Variants in CDH13 observed in about 807,000 individuals in gnomAD.
CDH13 encodes cadherin-13.
In CDH13, 24 loss-of-function variants were observed where a neutral mutation model predicts 63.8. The observed-to-expected ratio is 0.38, with a 90% CI of 0.27 to 0.53. CDH13 has a LOEUF of 0.53. Ranked by LOEUF, CDH13 falls within the 20% of genes least tolerant of loss-of-function variation. The probability of loss-of-function intolerance (pLI) is 0.85; values close to 1 mark genes in which losing one functional copy is unlikely to be tolerated. For synonymous variants in CDH13, 503 were observed against 355.3 expected (o/e 1.42, Z -4.67); for missense variants, 1,049 against 903.1 (o/e 1.16, Z -2.07).
intron 2 of CDH13, chr16:82,925,922 A>G (rs569352977): frequency 7.9e-5 from 12 of 152,278 alleles, no homozygotes; most frequent in African/African-American, 2.6e-4. Context: ...TTAGGTAATA[A>G]TGAGTTTTCC....
chr16:82,653,079 A>G (rs1259535848), intron 1 of CDH13, among the ~76,000 whole-genome samples: 2 of 152,208 alleles, frequency 1.3e-5, no homozygotes, highest in African/African-American at 4.8e-5. Flanking sequence ...TTGTCCATTC[A>G]GTGTGAATGA....
In CDH13 at chr16:82,684,729, A is replaced by AG. The variant is rs200606711; in HGVS notation, c.45+57594dup. ...AATGATTGAGTGCTTTGGCATAAAC[A>AG]GGTCAGGTACAGAAAGCACGGCATT... On this transcript the variant is annotated intron_variant, in intron 1 of 13. Transcript: ENST00000567109. Among the ~76,000 whole-genome samples, 863 of 152,272 alleles carry AG rather than the reference A, an allele frequency of 5.7e-3. 6 individuals carry two copies. Among genetic ancestry groups the AG allele is most frequent in the African/African-American group, 0.02 (815 of 41,546 alleles).
chr16:83,106,075 A>C (rs769675560), intron 3 of CDH13, among the ~76,000 whole-genome samples: 1 of 152,230 alleles, frequency 6.6e-6, no homozygotes, highest in African/African-American at 2.4e-5. Context: ...ATTTGTCAAT[A>C]TGTTACAGGA....
At chr16:82,758,002 C>G (rs1384423128) in intron 1 of CDH13, among the ~76,000 whole-genome samples, 2 of 152,172 alleles carry the variant, frequency 1.3e-5, no homozygotes, top group South Asian at 2.1e-4. Context: ...AGAAATCTCT[C>G]TGGCAAGTGT....
At chr16:82,655,556 C>T (rs1014216491) in intron 1 of CDH13, among the ~76,000 whole-genome samples, 4 of 151,666 alleles carry the variant, frequency 2.6e-5, no homozygotes, top group South Asian at 2.1e-4. Context: ...GGAGGGTGTG[C>T]GTGTGATGCT....
chr16:83,003,646 G>A (rs542997569), intron 2 of CDH13, among the ~76,000 whole-genome samples: 1 of 152,174 alleles, frequency 6.6e-6, no homozygotes, highest in Non-Finnish European at 1.5e-5. Context: ...GTTACAGAAA[G>A]CAGTAATGGA....
chr16:82,879,431 A>G (rs12446672), intron 2 of CDH13, among the ~76,000 whole-genome samples: 38,353 of 146,878 alleles, frequency 0.26, 6,563 homozygotes, highest in East Asian at 0.85. Context: ...CTGTTTATAT[A>G]TATATTTTCC....
intron 3 of CDH13, among the ~76,000 whole-genome samples, chr16:83,057,051 C>A (rs2031018823): frequency 6.6e-6 from 1 of 152,206 alleles, no homozygotes; most frequent in Non-Finnish European, 1.5e-5. Context: ...ACTGCAACCT[C>A]TGACTCCCTG....
chr16:83,126,713 G>A (rs1776113123), intron 4 of CDH13, among the ~76,000 whole-genome samples: 2 of 152,190 alleles, frequency 1.3e-5, no homozygotes, highest in Admixed American at 1.3e-4. Context: ...ACATTGGTGA[G>A]CCTGGAATTC....
chr16:83,266,973 A>T (rs566616116), intron 5 of CDH13, among the ~76,000 whole-genome samples: 1 of 152,260 alleles, frequency 6.6e-6, no homozygotes, highest in Non-Finnish European at 1.5e-5. Flanking sequence ...ATTGCAAATG[A>T]CAGGAGTTAT....
At chr16:82,786,883 T>C (rs1239308816) in intron 1 of CDH13, among the ~76,000 whole-genome samples, 1 of 152,112 alleles carries the variant, frequency 6.6e-6, no homozygotes, top group Non-Finnish European at 1.5e-5. Flanking sequence ...ATGTGCCACA[T>C]AGAAAACAGT....
intron 3 of CDH13, among the ~76,000 whole-genome samples, chr16:83,070,476 T>C (rs2032348927): frequency 6.6e-6 from 1 of 152,240 alleles, no homozygotes; most frequent in African/African-American, 2.4e-5. Context: ...ATGAGTGTTT[T>C]ACTGTTGATG....
intron 5 of CDH13, among the ~76,000 whole-genome samples, chr16:83,245,575 C>T (rs1904908279): frequency 6.6e-6 from 1 of 152,138 alleles, no homozygotes; most frequent in Non-Finnish European, 1.5e-5. Flanking sequence ...GTGAAGGGGT[C>T]ATCTGTTAAG....
At chr16:83,790,131 A>T (rs1461848127) in intron 13 of CDH13, 1 of 152,172 alleles carries the variant, frequency 6.6e-6, no homozygotes, top group African/African-American at 2.4e-5. Context: ...CATTTTCTAG[A>T]TGAGAAAACT....
chr16:83,028,679 A>G (rs1188562102), intron 2 of CDH13, among the ~76,000 whole-genome samples: 1 of 152,242 alleles, frequency 6.6e-6, no homozygotes, highest in Non-Finnish European at 1.5e-5. Flanking sequence ...AATATTAACA[A>G]CAATAACTAA....
intron 2 of CDH13, among the ~76,000 whole-genome samples, chr16:82,959,152 T>G (rs1182312186): frequency 6.6e-6 from 1 of 152,218 alleles, no homozygotes; most frequent in East Asian, 1.9e-4. Context: ...ACAAGTAAAT[T>G]TCCCCTTTTA....
At position 83,527,476 on chromosome 16, in the gene CDH13, T is replaced by C. The variant is rs557423231; in HGVS notation, c.960+40821T>C. Among the ~76,000 whole-genome samples the C allele has an allele frequency of 9.9e-5, 15 of 151,436 alleles. 1 individual carries two copies. In the East Asian group the frequency reaches 2.9e-3, roughly 29 times the overall value. ...AAAAAAAAAAATTAAAAATTAAGAA[T>C]GGGAATTCAGATACAAAAAGAGTTG... On this transcript the variant is annotated intron_variant, in intron 7 of 13. Coordinates refer to ENST00000567109, the MANE Select transcript of CDH13 (RefSeq NM_001257.5).
intron 1 of CDH13, among the ~76,000 whole-genome samples, chr16:82,701,913 C>G (rs2031059927): frequency 1.3e-5 from 2 of 151,754 alleles, no homozygotes; most frequent in African/African-American, 4.9e-5. Flanking sequence ...GCCACGTGGA[C>G]TTAGAATACA....
At chr16:83,363,018 C>G (rs1356332969) in intron 6 of CDH13, among the ~76,000 whole-genome samples, 1 of 152,140 alleles carries the variant, frequency 6.6e-6, no homozygotes, top group Admixed American at 6.5e-5. Flanking sequence ...AATTGCAACT[C>G]AAAGGATAAG....
Sources: allele counts gnomAD v4.1 joint callset (sites outside exome capture counted in the v4.1 genomes callset), GRCh38; gene constraint gnomAD v4.1.1; transcripts MANE v1.5; gene names NCBI Gene and HGNC (gene_info 2026-07-23, HGNC 2026-07-21).